The following TAFA5 variants were observed in gnomAD, a reference collection of about 807,000 sequenced individuals.
The protein encoded by TAFA5 is TAFA chemokine like family member 5.
A neutral mutation model predicts 15.3 loss-of-function variants in TAFA5; 6 were observed. The observed-to-expected ratio is 0.39, with a 90% CI of 0.21 to 0.77. The LOEUF is 0.77. TAFA5 is among the 30% of genes least tolerant of loss of function. The pLI, the probability that TAFA5 is intolerant of heterozygous loss-of-function variation, is 0.41. For synonymous variants in TAFA5, 103 were observed against 80.7 expected (o/e 1.28, Z -1.48); for missense variants, 161 against 193.1 (o/e 0.83, Z 0.98).
chr22:48,589,136 C>T (rs1481401223), intron 1 of TAFA5, among the ~76,000 whole-genome samples: 2 of 152,168 alleles, frequency 1.3e-5, no homozygotes, highest in Non-Finnish European at 2.9e-5. Context: ...CCTGCTCCTG[C>T]CCGCTGGTTG....
At chr22:48,498,258 A>G in intron 1 of TAFA5, among the ~76,000 whole-genome samples, 1 of 123,658 alleles carries the variant, frequency 8.1e-6, no homozygotes, top group African/African-American at 3.2e-5. Context: ...GGCGGGGCTG[A>G]AGAGTGGGGT....
rs778675506 is a variant in TAFA5 at position 48,576,496 on chromosome 22, G to C, written c.113-70101G>C. ...GGACTCCGCGATGCAGCTCCTGAAG[G>C]CGCTCTGGGCACTGGCAGGGGCCGC... On this transcript the variant is annotated intron_variant, in intron 1 of 3. Transcript: ENST00000402357. The C allele has an allele frequency of 2.3e-5, 34 of 1,487,364 alleles. No homozygotes were observed. In the African/African-American group the frequency reaches 4.6e-4, roughly 20 times the overall value. 92.1% of individuals were successfully genotyped at this position (1,487,364 alleles called of 1,614,324 possible).
chr22:48,610,538 G>GGC (rs1925363097), intron 1 of TAFA5, among the ~76,000 whole-genome samples: 1 of 151,434 alleles, frequency 6.6e-6, no homozygotes, highest in Admixed American at 6.6e-5. Flanking sequence ...CGGAGGAGCA[G>GGC]AGGGGCAGGC....
intron 1 of TAFA5, among the ~76,000 whole-genome samples, chr22:48,617,399 G>T (rs978421411): frequency 6.6e-6 from 1 of 152,174 alleles, no homozygotes; most frequent in East Asian, 1.9e-4. Flanking sequence ...AGTGAAGCTG[G>T]GCTCAGACTT....
intron 1 of TAFA5, among the ~76,000 whole-genome samples, chr22:48,533,090 CCTT>C (rs1251418596): frequency 3.3e-5 from 5 of 152,104 alleles, no homozygotes; most frequent in Admixed American, 2.6e-4. Context: ...TGTGCAGTGT[CCTT>C]CTGGGAGCAG....
At chr22:48,538,163 G>A (rs1036915249) in intron 1 of TAFA5, among the ~76,000 whole-genome samples, 3 of 152,178 alleles carry the variant, frequency 2.0e-5, no homozygotes, top group Admixed American at 6.5e-5. Flanking sequence ...TGAAACCACC[G>A]AGATGGCCCG....
chr22:48,641,843 A>G (rs1230296551), intron 1 of TAFA5, among the ~76,000 whole-genome samples: 1 of 152,122 alleles, frequency 6.6e-6, no homozygotes, highest in Non-Finnish European at 1.5e-5. Context: ...TGGAGAAGGA[A>G]TTGTGATTAC....
intron 1 of TAFA5, among the ~76,000 whole-genome samples, chr22:48,563,571 C>G (rs1923311764): frequency 6.6e-6 from 1 of 152,350 alleles, no homozygotes; most frequent in South Asian, 2.1e-4. Flanking sequence ...TGAGAAGGGG[C>G]TCTTGCTGCT....
In TAFA5 at chr22:48,552,062, T is replaced by C. The variant is rs1441375658; in HGVS notation, c.112+62358T>C. Among the ~76,000 whole-genome samples, 1 of 152,228 alleles carries C rather than the reference T, an allele frequency of 6.6e-6. No homozygotes were observed. The highest frequency in any genetic ancestry group is 1.9e-4 in the East Asian group (1 of 5,196). The stretch of plus-strand genomic sequence containing the variant: ...CCTCCCGGCAGGAAGCGTCCTCCAG[T>C]GCTCCCTCTGCTGTGCTCTGTCACT... On this transcript the variant is annotated intron_variant, in intron 1 of 3. Coordinates refer to ENST00000402357, the MANE Select transcript of TAFA5 (RefSeq NM_001082967.3). The surrounding 1 kb of genome is among the most constrained non-coding windows in gnomAD (Gnocchi z 4.1).
intron 1 of TAFA5, among the ~76,000 whole-genome samples, chr22:48,621,773 C>T (rs1925846594): frequency 6.6e-6 from 1 of 152,116 alleles, no homozygotes; most frequent in South Asian, 2.1e-4. Flanking sequence ...TGACTGGCCT[C>T]TCGAGGTGGG....
chr22:48,683,610 A>G (rs1928262540), intron 2 of TAFA5, among the ~76,000 whole-genome samples: 1 of 152,220 alleles, frequency 6.6e-6, no homozygotes, highest in Non-Finnish European at 1.5e-5. Context: ...CACTGCCAGG[A>G]CAGCCTAGGA....
intron 1 of TAFA5, among the ~76,000 whole-genome samples, chr22:48,492,150 G>C (rs978367481): frequency 6.9e-6 from 1 of 145,968 alleles, no homozygotes; most frequent in Non-Finnish European, 1.5e-5. Context: ...TTTCAGAACC[G>C]ATAAAGCAAA....
chr22:48,729,990 G>A (rs144967564), intron 3 of TAFA5, among the ~76,000 whole-genome samples: 1 of 152,200 alleles, frequency 6.6e-6, no homozygotes, highest in Non-Finnish European at 1.5e-5. Context: ...CTGGGGATCC[G>A]TGTCCCTGGA....
At chr22:48,629,079 C>T (rs772342624) in intron 1 of TAFA5, among the ~76,000 whole-genome samples, 6 of 152,116 alleles carry the variant, frequency 3.9e-5, no homozygotes, top group Non-Finnish European at 7.4e-5. Context: ...GCCCTGCCGG[C>T]GGCCTCCTGA....
intron 3 of TAFA5, among the ~76,000 whole-genome samples, chr22:48,729,284 TATA>T (rs201692250): frequency 8.9e-5 from 12 of 134,158 alleles, no homozygotes; most frequent in South Asian, 2.3e-4. Context: ...TTTATAAATA[TATA>T]ATAATTTTAT....
At chr22:48,715,489 TGAG>T (rs1306491534) in intron 3 of TAFA5, among the ~76,000 whole-genome samples, 1 of 151,846 alleles carries the variant, frequency 6.6e-6, no homozygotes, top group Non-Finnish European at 1.5e-5. Context: ...GGCAGGGAGG[TGAG>T]GAGGCCAGGG....
At chr22:48,629,539 A>T (rs1176779719) in intron 1 of TAFA5, among the ~76,000 whole-genome samples, 2 of 152,208 alleles carry the variant, frequency 1.3e-5, no homozygotes, top group Non-Finnish European at 2.9e-5. Flanking sequence ...TGAAAGGCAC[A>T]TGCATCCTCT....
At chr22:48,638,875 A>G (rs1258121146) in intron 1 of TAFA5, among the ~76,000 whole-genome samples, 1 of 128,516 alleles carries the variant, frequency 7.8e-6, no homozygotes, top group South Asian at 2.6e-4. Flanking sequence ...GCCCTGGGAC[A>G]CCGCACACAG....
At chr22:48,604,055 G>C (rs1176524491) in intron 1 of TAFA5, among the ~76,000 whole-genome samples, 1 of 152,238 alleles carries the variant, frequency 6.6e-6, no homozygotes, top group Non-Finnish European at 1.5e-5. Flanking sequence ...ACTGGACTGT[G>C]TGTGTCTCAT....
Sources: gnomAD v4.1 joint callset for allele counts (sites outside exome capture counted in the v4.1 genomes callset) on GRCh38, gnomAD v4.1.1 for gene constraint, Gnocchi (gnomAD v3.1) non-coding constraint, MANE v1.5 for transcripts, NCBI Gene and HGNC (gene_info 2026-07-23, HGNC 2026-07-21) for gene names.